Variants in AGL observed in about 807,000 individuals in gnomAD.
AGL encodes amylo-alpha-1,6-glucosidase and 4-alpha-glucanotransferase.
Under a neutral mutation model 199.3 loss-of-function variants are expected in AGL, and 128 were observed. The ratio of observed to expected loss-of-function variants is 0.64; its 90% CI spans 0.56 to 0.74. The LOEUF (loss-of-function observed/expected upper bound fraction) is 0.74, where lower values mean the gene tolerates loss of function less well. Among genes scored for constraint, AGL ranks in the 30% least tolerant of loss-of-function variants. The probability of loss-of-function intolerance (pLI) is 0.00; values close to 1 mark genes in which losing one functional copy is unlikely to be tolerated. For synonymous variants in AGL, 584 were observed against 594.7 expected (o/e 0.98, Z 0.26); for missense variants, 1,809 against 1,820.8 (o/e 0.99, Z 0.12).
rs1048645747 is a variant in AGL at position 99,880,051 on chromosome 1, G to A, written c.1735+5G>A. ...GCATTAGTTCCTTAATAAGAGGTAG[G>A]CTTGTTGGAGTGTATTTCCCTCTAA... On this transcript the variant is annotated splice_donor_5th_base_variant and intron_variant, in intron 13 of 33. Transcript: ENST00000361915. The A allele has an allele frequency of 1.9e-6, 3 of 1,613,230 alleles. No homozygotes were observed. The highest frequency in any genetic ancestry group is 2.5e-6 in the Non-Finnish European group (3 of 1,179,434).
intron 30 of AGL, among the ~76,000 whole-genome samples, 154 bp downstream of exon 30, chr1:99,913,892 A>G (rs1654929548): frequency 6.6e-6 from 1 of 152,246 alleles, no homozygotes; most frequent in South Asian, 2.1e-4. Context: ...TTAATCAAGT[A>G]TTATGCGTAT....
chr1:99,901,210 G>A (rs1388808094), intron 26 of AGL, among the ~76,000 whole-genome samples: 1 of 151,906 alleles, frequency 6.6e-6, no homozygotes, highest in East Asian at 1.9e-4. Flanking sequence ...TAAAAGGTGA[G>A]TAGGACTTTC....
chr1:99,920,668 ATTTT>A (rs965188386), intron 33 of AGL, among the ~76,000 whole-genome samples: 54 of 152,078 alleles, frequency 3.6e-4, no homozygotes, highest in African/African-American at 1.3e-3. Context: ...TAATGGGATT[ATTTT>A]TTCCCATTTT....
At chr1:99,879,643 T>C (rs763669970) in intron 12 of AGL, among the ~76,000 whole-genome samples, 23 of 152,090 alleles carry the variant, frequency 1.5e-4, no homozygotes, top group Admixed American at 3.9e-4. Flanking sequence ...CCTAACAGAA[T>C]TGTAGTGTTA....
chr1:99,884,044 T>C, intron 17 of AGL, 76 bp from the exon 18 acceptor site: 1 of 1,279,588 alleles, frequency 7.8e-7, no homozygotes. Flanking sequence ...GTTAAATGAT[T>C]TGAAACCACT....
At chr1:99,861,878 G>T (rs1222614666) in intron 3 of AGL, among the ~76,000 whole-genome samples, 165 bp downstream of exon 3, 6 of 152,114 alleles carry the variant, frequency 3.9e-5, no homozygotes, top group African/African-American at 1.4e-4. Context: ...TAATTTTATG[G>T]TCCATTGCAG....
At chr1:99,897,692 A>C (rs183668059) in intron 25 of AGL, among the ~76,000 whole-genome samples, 1 of 152,344 alleles carries the variant, frequency 6.6e-6, no homozygotes, top group African/African-American at 2.4e-5. Flanking sequence ...AGCATTCAGC[A>C]TAGTATAGTG....
intron 21 of AGL, among the ~76,000 whole-genome samples, chr1:99,889,817 G>A (rs113897669): frequency 0.013 from 1,920 of 152,064 alleles, 36 homozygotes; most frequent in Middle Eastern, 0.027. Context: ...TTTCTAAATA[G>A]AATTGCCTTT....
At chr1:99,862,494 A>G in intron 4 of AGL, 71 bp downstream of exon 4, 4 of 1,548,448 alleles carry the variant, frequency 2.6e-6, no homozygotes, top group South Asian at 1.1e-5. Context: ...TATAGATTTC[A>G]AAAGTTTTGT....
intron 24 of AGL, among the ~76,000 whole-genome samples, chr1:99,895,664 C>G (rs1653243023): frequency 6.6e-6 from 1 of 152,078 alleles, no homozygotes; most frequent in South Asian, 2.1e-4. Context: ...TGATTTTACT[C>G]TTTAGATTTA....
chr1:99,916,706 T>A lies in AGL; in HGVS notation c.4456T>A (p.Ser1486Thr). ...KTIVLVKNVL[S>T]RHYVHLERSP... ...TATAGTTTTGGTTAAAAATGTTCTT[T>A]CCCGACATTATGTTCATCTTGAGAG... The change falls in exon 33 of 34, where the codon TCC becomes ACC. Residue 1486 changes from serine (S) to threonine (T), a missense_variant. By Grantham distance (58) the Ser-to-Thr change is moderately conservative. Transcript: ENST00000361915. The A allele has an allele frequency of 1.2e-6, 2 of 1,613,386 alleles. No individual in the cohort carries two copies. The highest frequency in any genetic ancestry group is 1.7e-6 in the Non-Finnish European group (2 of 1,179,542).
chr1:99,884,278 G>A (rs761565078), intron 18 of AGL, 34 bp downstream of exon 18: 1 of 1,604,164 alleles, frequency 6.2e-7, no homozygotes, highest in Non-Finnish European at 8.5e-7. Flanking sequence ...ACTGTGTTTA[G>A]CATTTTAAGA....
chr1:99,919,718 T>C (rs1273811941), intron 33 of AGL, among the ~76,000 whole-genome samples: 7 of 152,180 alleles, frequency 4.6e-5, no homozygotes, highest in Non-Finnish European at 8.8e-5. Context: ...TATTTGTAAT[T>C]CCCTTTTCCA....
intron 4 of AGL, among the ~76,000 whole-genome samples, chr1:99,863,331 C>T (rs1650224452): frequency 6.6e-6 from 1 of 152,082 alleles, no homozygotes; most frequent in African/African-American, 2.4e-5. Flanking sequence ...CATAATGAAA[C>T]ACTTATCATT....
intron 29 of AGL, 60 bp downstream of exon 29, chr1:99,912,577 A>G: frequency 2.5e-6 from 3 of 1,197,772 alleles, no homozygotes; most frequent in South Asian, 2.5e-5. Flanking sequence ...TTCTCAACCT[A>G]TGTAATCATC....
In AGL at chr1:99,862,348, C is replaced by G. The variant is rs749109793; in HGVS notation, c.385C>G (p.Leu129Val). 65 of 1,613,906 alleles carry G rather than the reference C, an allele frequency of 4.0e-5. No individual in the cohort carries two copies. Among genetic ancestry groups the G allele is most frequent in the Non-Finnish European group, 5.4e-5 (64 of 1,180,006 alleles). The change falls in exon 4 of 34, where the codon CTT becomes GTT. Residue 129 changes from leucine to valine, a missense_variant. By Grantham distance (32) the Leu-to-Val change is conservative. Coordinates refer to ENST00000361915, the MANE Select transcript of AGL (RefSeq NM_000642.3). ...TGTGCTACCCTTGGACTGTGTTACT[C>G]TTCAGACATTTTTAGCTAAGTGTTT... ...NHVLPLDCVT[L>V]QTFLAKCLGP... is the part of the protein sequence containing the mutation.
At chr1:99,919,896 C>T (rs927935027) in intron 33 of AGL, among the ~76,000 whole-genome samples, 3 of 152,126 alleles carry the variant, frequency 2.0e-5, no homozygotes, top group African/African-American at 7.2e-5. Flanking sequence ...TGGTGGACTC[C>T]CTCTTCATAC....
chr1:99,919,602 C>T lies in AGL; in HGVS notation c.4482-1932C>T, dbSNP rs529888474. Among the ~76,000 whole-genome samples the T allele has an allele frequency of 3.9e-5, 6 of 152,274 alleles. No homozygotes were observed. The South Asian group carries it at 1.2e-3, about 32-fold the overall frequency. Reference sequence around the variant, plus strand: ...ACATAAACATAAGTAAATACATACACACTTATCTTCATCTCAATGTATCCT... The same window carrying T: ...ACATAAACATAAGTAAATACATACATACTTATCTTCATCTCAATGTATCCT... On this transcript the variant is annotated intron_variant, in intron 33 of 33. Coordinates refer to ENST00000361915, the MANE Select transcript of AGL (RefSeq NM_000642.3).
chr1:99,891,084 G>C (rs942539999), intron 21 of AGL, 136 bp from the exon 22 acceptor site: 9 of 1,017,902 alleles, frequency 8.8e-6, no homozygotes, highest in African/African-American at 1.6e-5. Flanking sequence ...TTGTGGACTG[G>C]GTAGCCCTTG....
Sources: allele counts gnomAD v4.1 joint callset (sites outside exome capture counted in the v4.1 genomes callset), GRCh38; gene constraint gnomAD v4.1.1; transcripts MANE v1.5; gene names NCBI Gene and HGNC (gene_info 2026-07-23, HGNC 2026-07-21).